The following EHMT1 variants were observed in gnomAD, a reference collection of about 807,000 sequenced individuals.
EHMT1 encodes the protein euchromatic histone lysine methyltransferase 1, also known as histone-lysine N-methyltransferase EHMT1.
Under a neutral mutation model 147.2 loss-of-function variants are expected in EHMT1, and 15 were observed. The ratio of observed to expected loss-of-function variants is 0.10; its 90% confidence interval spans 0.07 to 0.16. EHMT1 has a LOEUF of 0.16. EHMT1 is among the 10% of genes least tolerant of loss of function. The pLI, the probability that EHMT1 is intolerant of heterozygous loss-of-function variation, is 1.00. For missense variants in EHMT1, 1,587 were observed against 1,772.4 expected, an observed-to-expected ratio of 0.90 and a Z score of 1.88; for synonymous variants, 795 against 709.6, an observed-to-expected ratio of 1.12 and a Z score of -1.91.
chr9:137,633,045 C>T (rs1043736811), intron 1 of EHMT1, among the ~76,000 whole-genome samples: 1 of 151,984 alleles, frequency 6.6e-6, no homozygotes, highest in South Asian at 2.1e-4. Context: ...GGGTGGTCAC[C>T]GGTTATGTGG....
At chr9:137,696,624 T>C (rs1366687791) in intron 1 of EHMT1, among the ~76,000 whole-genome samples, 3 of 152,038 alleles carry the variant, frequency 2.0e-5, no homozygotes, top group Non-Finnish European at 4.4e-5. Flanking sequence ...CTTCTAATAG[T>C]CTCCCCCAGG....
At position 137,775,559 on chromosome 9, in the gene EHMT1, G is replaced by T. The variant is rs540389404; in HGVS notation, c.1791+307G>T. 6.6e-6 allele frequency among the ~76,000 whole-genome samples: 1 copy of T among 152,024 alleles called. No homozygotes were observed. Among genetic ancestry groups the T allele is most frequent in the East Asian group, 2.0e-4 (1 of 5,068 alleles). Reference sequence around the variant, plus strand: ...AGGGAAGTGAGGGTTGGGGGTGAAGGTGTCTAAGGCACTGGGGCTCGAGAG... The same window carrying T: ...AGGGAAGTGAGGGTTGGGGGTGAAGTTGTCTAAGGCACTGGGGCTCGAGAG... On this transcript the variant is annotated intron_variant, in intron 11 of 26. Transcript: ENST00000460843. This position sits in a 1 kb window ranked among gnomAD's most constrained non-coding sequence, Gnocchi z 6.1.
At chr9:137,673,754 C>A (rs879546480) in intron 1 of EHMT1, among the ~76,000 whole-genome samples, 1 of 152,186 alleles carries the variant, frequency 6.6e-6, no homozygotes, top group Non-Finnish European at 1.5e-5. Flanking sequence ...TAAGGCCCGT[C>A]ATTTCATGGT....
At chr9:137,696,025 G>A (rs917052545) in intron 1 of EHMT1, among the ~76,000 whole-genome samples, 1 of 152,202 alleles carries the variant, frequency 6.6e-6, no homozygotes, top group Admixed American at 6.5e-5. Flanking sequence ...CAGATGGAAA[G>A]GGAATCTGTC....
In EHMT1 at chr9:137,828,596, G is replaced by A. The variant is rs1955982162; in HGVS notation, c.3541-5753G>A. ...CCTGCGGGGGTGCGGGGTGGGGGAG[G>A]TACCACGTCTCCCGGGCAGCCACAG... is the stretch of plus-strand genomic sequence containing the variant. On this transcript the variant is annotated intron_variant, in intron 25 of 26. Coordinates refer to ENST00000460843, the MANE Select transcript of EHMT1 (RefSeq NM_024757.5). The surrounding 1 kb of genome is among the most constrained non-coding windows in gnomAD (Gnocchi z 5.3). Among the ~76,000 whole-genome samples, 1 of 152,230 alleles carries A rather than the reference G, an allele frequency of 6.6e-6. No homozygotes were observed. Among genetic ancestry groups the A allele is most frequent in the East Asian group, 1.9e-4 (1 of 5,168 alleles).
At chr9:137,806,886 T>C (rs1196545155) in intron 18 of EHMT1, among the ~76,000 whole-genome samples, 1 of 152,260 alleles carries the variant, frequency 6.6e-6, no homozygotes, top group Non-Finnish European at 1.5e-5. Context: ...AGAAATCCAG[T>C]GCCACCACAC....
intron 1 of EHMT1, among the ~76,000 whole-genome samples, chr9:137,642,755 G>A (rs1304822918): frequency 6.6e-6 from 1 of 152,112 alleles, no homozygotes; most frequent in Non-Finnish European, 1.5e-5. Context: ...GCTGCTTTAC[G>A]CAATTGTCTT....
intron 1 of EHMT1, among the ~76,000 whole-genome samples, chr9:137,663,292 A>G (rs1939279814): frequency 6.6e-6 from 1 of 152,128 alleles, no homozygotes; most frequent in African/African-American, 2.4e-5. Context: ...TTGAGCAGGA[A>G]GAGGCAGTAA....
At chr9:137,642,179 T>C (rs564177358) in intron 1 of EHMT1, among the ~76,000 whole-genome samples, 2 of 152,306 alleles carry the variant, frequency 1.3e-5, no homozygotes, top group African/African-American at 4.8e-5. Flanking sequence ...CTACTTTTCA[T>C]GTGGGACAGG....
At chr9:137,769,740 GT>G (rs1306672723) in intron 10 of EHMT1, among the ~76,000 whole-genome samples, 1 of 152,132 alleles carries the variant, frequency 6.6e-6, no homozygotes, top group Non-Finnish European at 1.5e-5. Context: ...TATTTATTTT[GT>G]TTAGGTTTCG....
chr9:137,819,646 A>G (rs1955235680), intron 25 of EHMT1, among the ~76,000 whole-genome samples: 1 of 83,486 alleles, frequency 1.2e-5, no homozygotes, highest in Non-Finnish European at 2.1e-5. Context: ...GACTGTAGAG[A>G]GGCTGAGGGG....
At chr9:137,710,489 A>G (rs1446897716) in intron 1 of EHMT1, among the ~76,000 whole-genome samples, 1 of 152,194 alleles carries the variant, frequency 6.6e-6, no homozygotes, top group Non-Finnish European at 1.5e-5. Context: ...AAATTGTAAG[A>G]GGCCTTGTAT....
chr9:137,753,520 C>T (rs1217245269), intron 7 of EHMT1, among the ~76,000 whole-genome samples: 1 of 152,224 alleles, frequency 6.6e-6, no homozygotes, highest in Non-Finnish European at 1.5e-5. Context: ...CAGCAAAGGC[C>T]TTGTGCAGGG....
In EHMT1 at chr9:137,775,259, G is replaced by T. The variant is rs1588642498; in HGVS notation, c.1791+7G>T. Reference sequence around the variant, plus strand: ...TGGCTACTTCTGCACAGCGGTAAGAGCCCAGTCCGGCAGCCTCTGAGTCCT... The same window carrying T: ...TGGCTACTTCTGCACAGCGGTAAGATCCCAGTCCGGCAGCCTCTGAGTCCT... On this transcript the variant is annotated splice_region_variant and intron_variant, in intron 11 of 26. Coordinates refer to ENST00000460843, the MANE Select transcript of EHMT1 (RefSeq NM_024757.5). The surrounding 1 kb of genome is among the most constrained non-coding windows in gnomAD (Gnocchi z 6.1). 6.2e-7 allele frequency: 1 copy of T among 1,608,292 alleles called. No homozygotes were observed. Among genetic ancestry groups the T allele is most frequent in the Non-Finnish European group, 8.5e-7 (1 of 1,179,728 alleles).
chr9:137,765,768 G>A (rs1007769449), intron 10 of EHMT1, among the ~76,000 whole-genome samples: 3 of 151,546 alleles, frequency 2.0e-5, no homozygotes, highest in Non-Finnish European at 4.4e-5. Context: ...TCCAGGGTCA[G>A]TTTCACTGTT....
chr9:137,805,381 T>G (rs1953861498), intron 18 of EHMT1, among the ~76,000 whole-genome samples: 1 of 152,226 alleles, frequency 6.6e-6, no homozygotes, highest in Admixed American at 6.5e-5. Context: ...TCCGCATGTG[T>G]GAGCCAGTCG....
chr9:137,633,379 C>T (rs1843752106), intron 1 of EHMT1, among the ~76,000 whole-genome samples: 1 of 150,362 alleles, frequency 6.7e-6, no homozygotes, highest in Non-Finnish European at 1.5e-5. Flanking sequence ...GGGGGGATAA[C>T]ATTTTGCTTA....
In EHMT1 at chr9:137,743,546, G is replaced by A. The variant is rs762465139; in HGVS notation, c.981+18G>A. The A allele has an allele frequency of 6.2e-7, 1 of 1,614,076 alleles. No homozygotes were observed. ...GTTCCAAGGTAAGAGACGCATTTGAGTGAGTTGCCACGTGTGCGTGGAAAT... is the reference window on the plus strand; with the variant it reads ...GTTCCAAGGTAAGAGACGCATTTGAATGAGTTGCCACGTGTGCGTGGAAAT... On this transcript the variant is annotated intron_variant, in intron 5 of 26. Coordinates refer to ENST00000460843, the MANE Select transcript of EHMT1 (RefSeq NM_024757.5).
chr9:137,665,444 C>G (rs1002367215), intron 1 of EHMT1, among the ~76,000 whole-genome samples: 1 of 152,118 alleles, frequency 6.6e-6, no homozygotes, highest in African/African-American at 2.4e-5. Context: ...TGAGACCCAG[C>G]CCTGGTATGC....
Sources: allele counts gnomAD v4.1 joint callset (sites outside exome capture counted in the v4.1 genomes callset), GRCh38; gene constraint gnomAD v4.1.1; non-coding constraint Gnocchi (gnomAD v3.1); transcripts MANE v1.5; gene names NCBI Gene and HGNC (gene_info 2026-07-23, HGNC 2026-07-21).